Variants in SEMA3E observed in about 807,000 individuals in gnomAD.
SEMA3E encodes the protein semaphorin 3E.
SEMA3E carries 49 observed loss-of-function variants against 93.6 expected under a neutral mutation model. The observed-to-expected ratio is 0.52, with a 90% confidence interval of 0.42 to 0.66. The LOEUF is 0.66. Among genes scored for constraint, SEMA3E ranks in the 30% least tolerant of loss-of-function variants. The pLI is 0.00. For synonymous variants in SEMA3E, 363 were observed against 330.7 expected (o/e 1.10, Z -1.06); for missense variants, 906 against 964.8 (o/e 0.94, Z 0.81).
intron 4 of SEMA3E, among the ~76,000 whole-genome samples, chr7:83,421,244 A>G (rs1431991025): frequency 7.0e-6 from 1 of 142,578 alleles, no homozygotes; most frequent in East Asian, 1.9e-4. Context: ...AATAACATAG[A>G]ATAATGCATA....
At chr7:83,621,505 T>C (rs1793555159) in intron 1 of SEMA3E, among the ~76,000 whole-genome samples, 1 of 152,098 alleles carries the variant, frequency 6.6e-6, no homozygotes, top group African/African-American at 2.4e-5. Context: ...ATTTTAAAAA[T>C]CATATGGAAC....
intron 1 of SEMA3E, among the ~76,000 whole-genome samples, chr7:83,523,376 G>T (rs912175635): frequency 5.9e-5 from 9 of 152,024 alleles, no homozygotes; most frequent in African/African-American, 2.2e-4. Flanking sequence ...GAGGTCAGGG[G>T]ATGGAGAGGG....
chr7:83,392,868 G>A, intron 13 of SEMA3E, 147 bp from the exon 14 acceptor site: 1 of 787,400 alleles, frequency 1.3e-6, no homozygotes, highest in Admixed American at 2.0e-5. Context: ...AGGAGTTTGA[G>A]ACCAGCCTGC....
At chr7:83,613,785 A>G (rs1240710708) in intron 1 of SEMA3E, among the ~76,000 whole-genome samples, 4 of 152,014 alleles carry the variant, frequency 2.6e-5, no homozygotes, top group African/African-American at 9.7e-5. Context: ...TATCTCTCTT[A>G]TTTTCCACTG....
At chr7:83,581,834 C>A (rs1226453540) in intron 1 of SEMA3E, among the ~76,000 whole-genome samples, 4 of 151,928 alleles carry the variant, frequency 2.6e-5, no homozygotes, top group Non-Finnish European at 4.4e-5. Context: ...TCATTTCATT[C>A]AGAAGCAGAA....
At chr7:83,396,308 A>AT (rs553897947) in intron 12 of SEMA3E, among the ~76,000 whole-genome samples, 36 of 151,266 alleles carry the variant, frequency 2.4e-4, no homozygotes, top group South Asian at 4.2e-4. Context: ...ATGAAAATGT[A>AT]TTTTTTTTTG....
chr7:83,445,453 C>T (rs1327119803), intron 4 of SEMA3E, among the ~76,000 whole-genome samples: 1 of 152,176 alleles, frequency 6.6e-6, no homozygotes, highest in Non-Finnish European at 1.5e-5. Flanking sequence ...CACGGTGGCT[C>T]ACGCCTGTAA....
intron 1 of SEMA3E, among the ~76,000 whole-genome samples, chr7:83,606,300 G>A (rs563902086): frequency 8.5e-5 from 13 of 152,110 alleles, no homozygotes; most frequent in South Asian, 4.1e-4. Context: ...TAATATTTTA[G>A]CAACTTGCCC....
At chr7:83,550,050 C>T (rs571676004) in intron 1 of SEMA3E, among the ~76,000 whole-genome samples, 28 of 148,812 alleles carry the variant, frequency 1.9e-4, no homozygotes, top group South Asian at 8.6e-4. Flanking sequence ...GTTTTATTTA[C>T]GCCATTTGAG....
At chr7:83,528,506 G>T (rs1791215110) in intron 1 of SEMA3E, among the ~76,000 whole-genome samples, 1 of 151,988 alleles carries the variant, frequency 6.6e-6, no homozygotes, top group Non-Finnish European at 1.5e-5. Context: ...ACGAAGCTTG[G>T]CATAGATAAG....
intron 1 of SEMA3E, among the ~76,000 whole-genome samples, chr7:83,592,253 T>C (rs1489012560): frequency 2.0e-5 from 3 of 152,084 alleles, no homozygotes; most frequent in Admixed American, 1.3e-4. Flanking sequence ...ATATCAAACA[T>C]ACTTCATGCT....
chr7:83,398,341 C>T (rs975242777), intron 11 of SEMA3E, among the ~76,000 whole-genome samples: 1 of 151,958 alleles, frequency 6.6e-6, no homozygotes, highest in African/African-American at 2.4e-5. Flanking sequence ...GCAGTTTTTG[C>T]CATTAAAGTA....
chr7:83,452,926 G>A (rs1250592842), intron 4 of SEMA3E, among the ~76,000 whole-genome samples: 1 of 152,100 alleles, frequency 6.6e-6, no homozygotes, highest in African/African-American at 2.4e-5. Flanking sequence ...AGTAAAGAAA[G>A]CAGAAGAAAC....
intron 2 of SEMA3E, 41 bp downstream of exon 2, chr7:83,490,073 C>G (rs778790236): frequency 6.3e-7 from 1 of 1,596,804 alleles, no homozygotes; most frequent in Admixed American, 1.7e-5. Flanking sequence ...AATTTCCCCC[C>G]TTTTCTATCT....
chr7:83,396,756 A>G, intron 11 of SEMA3E, 27 bp from the exon 12 acceptor site: 1 of 1,491,012 alleles, frequency 6.7e-7, no homozygotes, highest in East Asian at 2.3e-5. Context: ...CAAGAAATAA[A>G]CTAGAATCTA....
At chr7:83,464,610 T>A (rs961043424) in intron 4 of SEMA3E, among the ~76,000 whole-genome samples, 43 of 145,780 alleles carry the variant, frequency 2.9e-4, no homozygotes, top group Non-Finnish European at 1.7e-4. Context: ...TCCTGAGTAG[T>A]CCCAATTCTT....
At chr7:83,527,185 G>C (rs1422538841) in intron 1 of SEMA3E, among the ~76,000 whole-genome samples, 1 of 105,250 alleles carries the variant, frequency 9.5e-6, no homozygotes, top group South Asian at 3.7e-4. Flanking sequence ...TAAGAAGTGG[G>C]GGGGAAAAAA....
chr7:83,578,838 T>C (rs4141122), intron 1 of SEMA3E, among the ~76,000 whole-genome samples: 31,490 of 152,030 alleles, frequency 0.21, 3,497 homozygotes, highest in Middle Eastern at 0.29. Flanking sequence ...ATGCCTAAAT[T>C]TGATTAAATA....
intron 2 of SEMA3E, among the ~76,000 whole-genome samples, chr7:83,485,845 G>A (rs940853247): frequency 2.6e-5 from 4 of 151,998 alleles, no homozygotes; most frequent in African/African-American, 7.2e-5. Flanking sequence ...GGGTTCAGAA[G>A]TATTTATTTT....
Sources: gnomAD v4.1 joint callset for allele counts (sites outside exome capture counted in the v4.1 genomes callset) on GRCh38, gnomAD v4.1.1 for gene constraint, MANE v1.5 for transcripts, NCBI Gene and HGNC (gene_info 2026-07-23, HGNC 2026-07-21) for gene names.